ZNRF1: variants seen among roughly 807,000 people sequenced by gnomAD.
The protein encoded by ZNRF1 is E3 ubiquitin-protein ligase ZNRF1.
Under a neutral mutation model 18.4 loss-of-function variants are expected in ZNRF1, and 3 were observed. The ratio of observed to expected loss-of-function variants is 0.16; its 90% CI spans 0.07 to 0.42. The LOEUF is 0.42. Ranked by LOEUF, ZNRF1 falls within the 10% of genes least tolerant of loss-of-function variation. The pLI, the probability that ZNRF1 is intolerant of heterozygous loss-of-function variation, is 0.99. For synonymous variants in ZNRF1, 157 were observed against 144.2 expected (o/e 1.09, Z -0.64); for missense variants, 310 against 329.8 (o/e 0.94, Z 0.47).
chr16:75,017,345 G>T (rs369098961), intron 1 of ZNRF1, among the ~76,000 whole-genome samples: 1 of 152,086 alleles, frequency 6.6e-6, no homozygotes, highest in African/African-American at 2.4e-5. Flanking sequence ...TTGATTTACA[G>T]ATATAAAAAT....
chr16:75,017,568 A>G (rs888529248), intron 1 of ZNRF1, among the ~76,000 whole-genome samples: 3 of 152,204 alleles, frequency 2.0e-5, no homozygotes, highest in Non-Finnish European at 4.4e-5. Context: ...AGTTTAAGAA[A>G]TCTATATTGA....
intron 1 of ZNRF1, among the ~76,000 whole-genome samples, chr16:75,035,810 A>G (rs1265826682): frequency 6.6e-6 from 1 of 152,206 alleles, no homozygotes; most frequent in Non-Finnish European, 1.5e-5. Flanking sequence ...AATTGTGCAC[A>G]TGCCCACTTG....
chr16:75,037,334 T>TG (rs1197923249), intron 1 of ZNRF1, among the ~76,000 whole-genome samples: 2 of 145,946 alleles, frequency 1.4e-5, no homozygotes, highest in African/African-American at 5.6e-5. Context: ...TCTTCACTCT[T>TG]TTGTTTTTTT....
chr16:75,003,792 T>TA (rs1720111931), intron 1 of ZNRF1, among the ~76,000 whole-genome samples: 1 of 152,154 alleles, frequency 6.6e-6, no homozygotes, highest in African/African-American at 2.4e-5. Flanking sequence ...CAGTCACAAT[T>TA]TATTCATCTG....
In ZNRF1 at chr16:75,108,758, G is replaced by T. The variant is rs1261428856; in HGVS notation, c.*1058G>T. 2.6e-6 allele frequency: 1 copy of T among 383,612 alleles called. No homozygotes were observed. The highest frequency in any genetic ancestry group is 2.1e-5 in the African/African-American group (1 of 48,326). 23.8% of individuals were successfully genotyped at this position (383,612 alleles called of 1,614,324 possible). ...ATGAAGTGTTATACAATCAAGAAATGGGGGCAAGGGCCTGCCCCCCACTCC... is the reference window on the plus strand; with the variant it reads ...ATGAAGTGTTATACAATCAAGAAATTGGGGCAAGGGCCTGCCCCCCACTCC... On this transcript the variant is annotated 3_prime_UTR_variant, in exon 5 of 5. Transcript: ENST00000335325.
chr16:75,091,358 C>CAAAAAA (rs71158576), intron 1 of ZNRF1, among the ~76,000 whole-genome samples: 3 of 133,382 alleles, frequency 2.2e-5, no homozygotes, highest in African/African-American at 8.5e-5. Flanking sequence ...GACTCCATCT[C>CAAAAAA]AAAAAAAAAA....
chr16:75,094,153 C>T (rs1350510714), intron 2 of ZNRF1, among the ~76,000 whole-genome samples: 7 of 152,128 alleles, frequency 4.6e-5, no homozygotes, highest in South Asian at 2.1e-4. Context: ...CGAACTCGGA[C>T]GAACACCTGA....
chr16:75,037,117 G>A (rs191979927), intron 1 of ZNRF1, among the ~76,000 whole-genome samples: 2 of 152,256 alleles, frequency 1.3e-5, no homozygotes, highest in Admixed American at 6.5e-5. Context: ...TCAATCTGTC[G>A]ATTCCAGCAG....
intron 1 of ZNRF1, among the ~76,000 whole-genome samples, chr16:75,037,678 C>T (rs1005334635): frequency 1.8e-4 from 27 of 150,606 alleles, no homozygotes; most frequent in African/African-American, 6.6e-4. Context: ...CACCCCAGAC[C>T]TTCTCTCCAA....
At chr16:75,082,263 C>T (rs910825292) in intron 1 of ZNRF1, among the ~76,000 whole-genome samples, 2 of 152,194 alleles carry the variant, frequency 1.3e-5, no homozygotes, top group African/African-American at 4.8e-5. Context: ...CATTTCCTTC[C>T]TAAGCAGCCC....
At chr16:75,055,905 A>G (rs537419005) in intron 1 of ZNRF1, among the ~76,000 whole-genome samples, 1 of 152,338 alleles carries the variant, frequency 6.6e-6, no homozygotes, top group African/African-American at 2.4e-5. Flanking sequence ...TAAGAAAACC[A>G]TCAATGTTTC....
intron 1 of ZNRF1, among the ~76,000 whole-genome samples, chr16:75,061,387 A>G (rs1032973210): frequency 7.2e-5 from 11 of 152,276 alleles, no homozygotes; most frequent in African/African-American, 2.2e-4. Flanking sequence ...GATCCCACCA[A>G]TAAGTGAGAA....
intron 1 of ZNRF1, among the ~76,000 whole-genome samples, chr16:75,008,639 T>C (rs1030915581): frequency 8.5e-5 from 13 of 152,198 alleles, no homozygotes; most frequent in African/African-American, 2.7e-4. Context: ...TTTATTCCAT[T>C]GATAGCCTCT....
chr16:75,088,015 G>A (rs1420954521), intron 1 of ZNRF1, among the ~76,000 whole-genome samples: 4 of 152,226 alleles, frequency 2.6e-5, no homozygotes, highest in African/African-American at 4.8e-5. Flanking sequence ...GGTCTCCGAG[G>A]AAGTTTGACA....
intron 2 of ZNRF1, among the ~76,000 whole-genome samples, chr16:75,094,582 C>T (rs1423848532): frequency 6.6e-6 from 1 of 152,150 alleles, no homozygotes; most frequent in Non-Finnish European, 1.5e-5. Flanking sequence ...ATTGTCAGAA[C>T]TGGGTAAGAG....
At chr16:75,052,532 C>T (rs1209070392) in intron 1 of ZNRF1, among the ~76,000 whole-genome samples, 1 of 152,132 alleles carries the variant, frequency 6.6e-6, no homozygotes, top group Non-Finnish European at 1.5e-5. Flanking sequence ...GACCACTACC[C>T]TTTTAAATAA....
chr16:75,062,569 C>T (rs1010719202), intron 1 of ZNRF1, among the ~76,000 whole-genome samples: 14 of 152,246 alleles, frequency 9.2e-5, no homozygotes, highest in African/African-American at 3.4e-4. Flanking sequence ...CAGGATCACC[C>T]GGGAGGAGCA....
Position 75,073,942 on chromosome 16 carries a change from C to T in ZNRF1, c.425-19630C>T, listed in dbSNP as rs374352598. 9.3e-4 allele frequency among the ~76,000 whole-genome samples: 141 copies of T among 152,170 alleles called. 4 individuals carry two copies. The South Asian group carries it at 0.026, about 28-fold the overall frequency. On this transcript the variant is annotated intron_variant, in intron 1 of 4. Transcript: ENST00000335325. Reference sequence around the variant, plus strand: ...TGTCCCTTTTCTCTTGCTATTTTCTCGTAAATGTCAGGAAGGTAGGTTGCT... The same window carrying T: ...TGTCCCTTTTCTCTTGCTATTTTCTTGTAAATGTCAGGAAGGTAGGTTGCT...
At chr16:75,105,825 A>G (rs186648015) in intron 3 of ZNRF1, 1 of 152,338 alleles carries the variant, frequency 6.6e-6, no homozygotes, top group East Asian at 1.9e-4. Context: ...TCTTGGGGCA[A>G]TCTCTGTTCC....
Sources: allele counts gnomAD v4.1 joint callset (sites outside exome capture counted in the v4.1 genomes callset), GRCh38; gene constraint gnomAD v4.1.1; transcripts MANE v1.5; gene names NCBI Gene and HGNC (gene_info 2026-07-23, HGNC 2026-07-21).